The following ADGRL4 variants were observed in gnomAD, a reference collection of about 807,000 sequenced individuals.
The protein encoded by ADGRL4 is EGF, latrophilin and seven transmembrane domain containing 1.
In ADGRL4, 90 loss-of-function variants were observed where a neutral mutation model predicts 74.8. The observed-to-expected ratio is 1.20, with a 90% confidence interval of 1.02 to 1.43. The LOEUF (loss-of-function observed/expected upper bound fraction) is 1.43. Among genes scored for constraint, ADGRL4 ranks in the 40% most tolerant of loss-of-function variants. The probability of loss-of-function intolerance (pLI) is 0.00; values close to 1 mark genes in which losing one functional copy is unlikely to be tolerated. For missense variants in ADGRL4, 881 were observed against 814.3 expected, an observed-to-expected ratio of 1.08 and a Z score of -1.00; for synonymous variants, 311 against 279.2, an observed-to-expected ratio of 1.11 and a Z score of -1.14.
intron 7 of ADGRL4, among the ~76,000 whole-genome samples, chr1:78,933,264 G>A (rs150540958): frequency 0.025 from 3,830 of 151,504 alleles, 85 homozygotes; most frequent in South Asian, 0.053. Flanking sequence ...GGGATGCAAG[G>A]CTGGTTCAAC....
intron 7 of ADGRL4, among the ~76,000 whole-genome samples, chr1:78,929,283 A>G (rs1191054328): frequency 2.6e-5 from 4 of 151,382 alleles, no homozygotes; most frequent in Non-Finnish European, 5.9e-5. Flanking sequence ...TGGGAGGCTG[A>G]GGTGGGAGGA....
At chr1:78,970,708 C>T (rs535770313) in intron 2 of ADGRL4, among the ~76,000 whole-genome samples, 2 of 152,158 alleles carry the variant, frequency 1.3e-5, no homozygotes, top group Non-Finnish European at 2.9e-5. Context: ...CACCCTGAAC[C>T]CCTGGGACTC....
chr1:78,931,583 C>G (rs776678093), intron 7 of ADGRL4, among the ~76,000 whole-genome samples: 3 of 151,262 alleles, frequency 2.0e-5, no homozygotes, highest in Admixed American at 6.6e-5. Flanking sequence ...CATAACAATA[C>G]TAACCTTAAG....
intron 12 of ADGRL4, among the ~76,000 whole-genome samples, chr1:78,914,641 CTT>C (rs11306581): frequency 2.0e-5 from 3 of 150,674 alleles, no homozygotes; most frequent in African/African-American, 7.3e-5. Flanking sequence ...ATAAAAGTTA[CTT>C]TTTTTTTTCT....
At chr1:78,947,546 G>T (rs1649628443) in intron 2 of ADGRL4, among the ~76,000 whole-genome samples, 1 of 152,130 alleles carries the variant, frequency 6.6e-6, no homozygotes, top group Non-Finnish European at 1.5e-5. Context: ...TTAGCCTCCA[G>T]AGCTGTGAGA....
intron 2 of ADGRL4, among the ~76,000 whole-genome samples, chr1:78,949,472 C>T (rs1201564676): frequency 6.6e-6 from 1 of 152,098 alleles, no homozygotes; most frequent in African/African-American, 2.4e-5. Flanking sequence ...GACAAATTCC[C>T]TAATGTTCCA....
chr1:79,006,686 G>C lies in ADGRL4; in HGVS notation c.-32C>G. The C allele has an allele frequency of 6.8e-7, 1 of 1,466,282 alleles. No individual in the cohort carries two copies. 90.8% of individuals were successfully genotyped at this position (1,466,282 alleles called of 1,614,324 possible). ...TGGCCGCAGTGGTGGCGGTGGCGGAGAGCGCGGCGGAGTGAGTGCGGCTGT... is the reference window on the plus strand; with the variant it reads ...TGGCCGCAGTGGTGGCGGTGGCGGACAGCGCGGCGGAGTGAGTGCGGCTGT... On this transcript the variant is annotated 5_prime_UTR_variant, in exon 1 of 15. Coordinates refer to ENST00000370742, the MANE Select transcript of ADGRL4 (RefSeq NM_022159.4).
intron 5 of ADGRL4, 35 bp downstream of exon 5, chr1:78,938,065 C>T (rs189378914): frequency 0.038 from 60,713 of 1,605,080 alleles, 1,471 homozygotes; most frequent in South Asian, 0.077. Flanking sequence ...AAATTCAAAG[C>T]TCAATTATAT....
chr1:78,914,992 T>C (rs924783120), intron 12 of ADGRL4, among the ~76,000 whole-genome samples: 2 of 151,922 alleles, frequency 1.3e-5, no homozygotes, highest in Non-Finnish European at 2.9e-5. Flanking sequence ...TTCATTTCCA[T>C]CTTGGTCTCT....
chr1:78,918,078 A>C, intron 10 of ADGRL4, 28 bp from the exon 11 acceptor site: 1 of 1,434,892 alleles, frequency 7.0e-7, no homozygotes, highest in Non-Finnish European at 9.7e-7. Flanking sequence ...AAAAAAAAAC[A>C]TTGTCAGTGT....
At chr1:78,914,552 T>A (rs907069464) in intron 12 of ADGRL4, among the ~76,000 whole-genome samples, 1 of 151,854 alleles carries the variant, frequency 6.6e-6, no homozygotes, top group Non-Finnish European at 1.5e-5. Flanking sequence ...TTGATGTTCA[T>A]CTGATCATTT....
At chr1:78,944,320 C>A (rs907357847) in intron 3 of ADGRL4, among the ~76,000 whole-genome samples, 13 of 152,136 alleles carry the variant, frequency 8.5e-5, no homozygotes, top group African/African-American at 3.1e-4. Context: ...TGGAACATTT[C>A]CACTAAAGCT....
intron 4 of ADGRL4, among the ~76,000 whole-genome samples, chr1:78,938,576 T>C (rs1199166834): frequency 1.3e-5 from 2 of 152,066 alleles, no homozygotes; most frequent in African/African-American, 4.8e-5. Flanking sequence ...CAGTATAGAA[T>C]TATATCCTAG....
Position 78,891,194 on chromosome 1 carries a change from A to T in ADGRL4, c.2033T>A (p.Leu678Ter), listed in dbSNP as rs1344330473. ...AAAACAACAGGGGACATTTTTGAAC[A>T]ATCTGTAATATTCTTCTTGAATCTA... ...SRKIQEEYYR[L>*]FKNVPCCFGC... is the part of the protein sequence containing the mutation. The change falls in exon 15 of 15, where the codon TTG becomes TAG. Residue 678 changes from leucine (L) to a stop codon, truncating the protein, a stop_gained. Coordinates refer to ENST00000370742, the MANE Select transcript of ADGRL4 (RefSeq NM_022159.4). LOFTEE classifies it high-confidence loss of function. The T allele has an allele frequency of 6.2e-7, 1 of 1,610,254 alleles. No homozygotes were observed. The highest frequency in any genetic ancestry group is 8.5e-7 in the Non-Finnish European group (1 of 1,177,530).
chr1:78,951,414 C>T (rs547243222), intron 2 of ADGRL4, among the ~76,000 whole-genome samples: 2 of 152,248 alleles, frequency 1.3e-5, no homozygotes, highest in African/African-American at 2.4e-5. Flanking sequence ...ATGGTTCAGC[C>T]CAACTTGCCA....
In ADGRL4 at chr1:78,891,173, C is replaced by T; in HGVS notation, c.2054G>A (p.Cys685Tyr). The T allele has an allele frequency of 6.2e-7, 1 of 1,611,124 alleles. No individual in the cohort carries two copies. The highest frequency in any genetic ancestry group is 8.5e-7 in the Non-Finnish European group (1 of 1,178,260). Residue 685 changes from cysteine to tyrosine, a missense_variant, in exon 15 of 15, where the codon TGT (cysteine) becomes TAT (tyrosine). Cys to Tyr is a radical substitution (Grantham distance 194). Transcript: ENST00000370742. ...CTATGTTTACCTTAAACATCCAAAACAACAGGGGACATTTTTGAACAATCT... is the reference window on the plus strand; with the variant it reads ...CTATGTTTACCTTAAACATCCAAAATAACAGGGGACATTTTTGAACAATCT... ...YYRLFKNVPC[C>Y]FGCLR
At chr1:79,006,550 G>A (rs1021988044) in intron 1 of ADGRL4, 83 bp downstream of exon 1, 8 of 1,472,744 alleles carry the variant, frequency 5.4e-6, no homozygotes, top group Non-Finnish European at 7.3e-6. Flanking sequence ...TGCCATGTGA[G>A]CTCCACCTCT....
chr1:78,975,123 A>G (rs1041980678), intron 2 of ADGRL4, among the ~76,000 whole-genome samples: 1 of 152,118 alleles, frequency 6.6e-6, no homozygotes, highest in Non-Finnish European at 1.5e-5. Context: ...GGAGAAATTC[A>G]CTTTCCTATC....
intron 2 of ADGRL4, among the ~76,000 whole-genome samples, chr1:78,988,289 G>T (rs2100732117): frequency 6.6e-6 from 1 of 151,886 alleles, no homozygotes; most frequent in South Asian, 2.1e-4. Flanking sequence ...AGTAGAGCCA[G>T]GCAGGAGTTT....
Sources: gnomAD v4.1 joint callset for allele counts (sites outside exome capture counted in the v4.1 genomes callset) on GRCh38, gnomAD v4.1.1 for gene constraint, MANE v1.5 for transcripts, NCBI Gene and HGNC (gene_info 2026-07-23, HGNC 2026-07-21) for gene names.